Variants in DNM2 observed in about 807,000 individuals in gnomAD.
The protein encoded by DNM2 is dynamin 2.
In DNM2, 15 loss-of-function variants were observed where a neutral mutation model predicts 99.0. The ratio of observed to expected loss-of-function variants is 0.15; its 90% CI spans 0.10 to 0.23. The LOEUF (loss-of-function observed/expected upper bound fraction) is 0.23. Ranked by LOEUF, DNM2 falls within the 10% of genes least tolerant of loss-of-function variation. DNM2 has a pLI of 1.00. For synonymous variants in DNM2, 525 were observed against 481.2 expected, an observed-to-expected ratio of 1.09 and a Z score of -1.19; for missense variants, 742 against 1,189.4, an observed-to-expected ratio of 0.62 and a Z score of 5.53.
rs866738456 is a variant in DNM2, at chr19:10,771,538, C to T, written c.236-941C>T. The stretch of plus-strand genomic sequence containing the variant: ...GCGGCAGGGGTGCCCCTTCCCTCTA[C>T]CTTGTGGGCTCCTTGGGGAAGAAGG... On this transcript the variant is annotated intron_variant, in intron 2 of 20. Coordinates refer to ENST00000389253, the MANE Select transcript of DNM2 (RefSeq NM_001005361.3). Among the ~76,000 whole-genome samples, 12 of 101,794 alleles carry T rather than the reference C, an allele frequency of 1.2e-4. No individual in the cohort carries two copies. The South Asian group carries it at 3.3e-3, about 28-fold the overall frequency. 66.8% of individuals were successfully genotyped at this position (101,794 alleles called of 152,430 possible).
Position 10,718,109 on chromosome 19 carries a change from C to T in DNM2, c.-134C>T. ...CCGGATGAGGCGGCGACCGTGAGGC[C>T]GAGCCGGGAGCGGGCGTCTTGCCGA... On this transcript the variant is annotated 5_prime_UTR_variant, in exon 1 of 21. Coordinates refer to ENST00000389253, the MANE Select transcript of DNM2 (RefSeq NM_001005361.3). The T allele has an allele frequency of 2.8e-6, 3 of 1,074,632 alleles. No individual in the cohort carries two copies. Among genetic ancestry groups the T allele is most frequent in the Non-Finnish European group, 3.6e-6 (3 of 840,526 alleles). The allele number at this position is 1,074,632 out of a possible 1,614,324, so 66.6% of individuals were successfully genotyped here. A position where few individuals can be genotyped will look rare whatever the true frequency, so the allele number is the denominator to read the frequency against.
At chr19:10,741,871 C>G (rs2069764530) in intron 1 of DNM2, among the ~76,000 whole-genome samples, 1 of 151,892 alleles carries the variant, frequency 6.6e-6, no homozygotes, top group African/African-American at 2.4e-5. Context: ...TTGTTCTGTG[C>G]TTTTTCCTTC....
chr19:10,786,365 G>A (rs1171471725), intron 6 of DNM2, 199 bp from the exon 7 acceptor site: 2 of 852,564 alleles, frequency 2.3e-6, no homozygotes, highest in African/African-American at 1.7e-5. Context: ...TACACTCATG[G>A]GCAGCTCCGT....
Position 10,775,932 on chromosome 19 carries a change from C to T in DNM2, c.589+26C>T. The T allele has an allele frequency of 1.2e-6, 2 of 1,605,722 alleles. No homozygotes were observed. Among genetic ancestry groups the T allele is most frequent in the African/African-American group, 1.3e-5 (1 of 75,018 alleles). ...GTAACCCTGAGCCTAGGGCAGTCCC[C>T]TCTTCCAGGTGCCTCTGAGCATGGG... On this transcript the variant is annotated intron_variant, in intron 4 of 20. Coordinates refer to ENST00000389253, the MANE Select transcript of DNM2 (RefSeq NM_001005361.3). The surrounding 1 kb of genome is among the most constrained non-coding windows in gnomAD (Gnocchi z 4.3).
chr19:10,761,697 C>T (rs764725972), intron 2 of DNM2, among the ~76,000 whole-genome samples: 116 of 152,298 alleles, frequency 7.6e-4, no homozygotes, highest in Non-Finnish European at 6.3e-4. Context: ...TTCCAATGGG[C>T]CCCAGATCTG....
At position 10,808,553 on chromosome 19, in the gene DNM2, C is replaced by T. The variant is rs375554484; in HGVS notation, c.1546-16C>T. 8.3e-5 allele frequency: 134 copies of T among 1,612,046 alleles called. No individual in the cohort carries two copies. The highest frequency in any genetic ancestry group is 6.8e-4 in the African/African-American group (51 of 75,004). On this transcript the variant is annotated splice_polypyrimidine_tract_variant and intron_variant, in intron 13 of 20. Coordinates refer to ENST00000389253, the MANE Select transcript of DNM2 (RefSeq NM_001005361.3). ...TTCCCTGATTTACCCACAACCCTAA[C>T]TTTGCATATTCAAAGGGGGAGATCC...
intron 6 of DNM2, among the ~76,000 whole-genome samples, chr19:10,783,702 A>ATTTTT (rs1335201078): frequency 7.0e-5 from 10 of 142,524 alleles, no homozygotes; most frequent in South Asian, 2.1e-4. Context: ...TATTATTATT[A>ATTTTT]TTATTTTTTA....
In DNM2 at chr19:10,795,344, T is replaced by C; in HGVS notation, c.1129-28T>C. The stretch of plus-strand genomic sequence containing the variant: ...CACGGGGGCGCCCCGGGTGCCTCCA[T>C]GCATGTGCTTGGTTTGTCTCTTCTC... On this transcript the variant is annotated intron_variant, in intron 8 of 20. Transcript: ENST00000389253. This position sits in a 1 kb window ranked among gnomAD's most constrained non-coding sequence, Gnocchi z 4.2. 6.2e-7 allele frequency: 1 copy of C among 1,614,032 alleles called. No individual in the cohort carries two copies. Among genetic ancestry groups the C allele is most frequent in the South Asian group, 1.1e-5 (1 of 91,080 alleles).
intron 15 of DNM2, among the ~76,000 whole-genome samples, chr19:10,819,280 G>A (rs1248180860): frequency 4.6e-5 from 7 of 152,250 alleles, no homozygotes; most frequent in African/African-American, 1.7e-4. Context: ...AATAAAGAAA[G>A]GGAGTAAGGC....
rs879152825 is a variant in DNM2 at position 10,819,958 on chromosome 19, ACT to A, written c.1672-19_1672-18del. ...GTTGTCACGTGGACCGCTCAGGGTG[ACT>A]CTTTTCCCTCCACCCTCAGGAGAAA... On this transcript the variant is annotated intron_variant, in intron 15 of 20. Transcript: ENST00000389253. 6.2e-7 allele frequency: 1 copy of A among 1,610,240 alleles called. No homozygotes were observed. The highest frequency in any genetic ancestry group is 1.3e-5 in the African/African-American group (1 of 74,778).
In DNM2 at chr19:10,772,017, A is replaced by G. The variant is rs1363635666; in HGVS notation, c.236-462A>G. 6.6e-6 allele frequency among the ~76,000 whole-genome samples: 1 copy of G among 151,442 alleles called. No homozygotes were observed. The highest frequency in any genetic ancestry group is 1.5e-5 in the Non-Finnish European group (1 of 67,740). ...CATGAGAACGAATCTTTCACTCCCA[A>G]ATTCCTAGAGTGACGATGATTGGGT... On this transcript the variant is annotated intron_variant, in intron 2 of 20. Transcript: ENST00000389253. This position sits in a 1 kb window ranked among gnomAD's most constrained non-coding sequence, Gnocchi z 4.9.
Position 10,775,737 on chromosome 19 carries a change from C to A in DNM2, c.420C>A (p.Ile140=). 1.2e-6 allele frequency: 2 copies of A among 1,614,146 alleles called. No homozygotes were observed. The highest frequency in any genetic ancestry group is 1.7e-6 in the Non-Finnish European group (2 of 1,180,024). The change falls in exon 4 of 21, where the codon ATC becomes ATA. Residue 140 remains isoleucine (I), a synonymous_variant. Transcript: ENST00000389253. The surrounding 1 kb of genome is among the most constrained non-coding windows in gnomAD (Gnocchi z 4.3). ...TGACCCTCATCGACCTCCCGGGTAT[C>A]ACCAAGGTGCCTGTGGGCGACCAGC... ...LNLTLIDLPG[I]TKVPVGDQPP...
At chr19:10,792,179 C>G (rs1201098681) in intron 7 of DNM2, among the ~76,000 whole-genome samples, 1 of 152,174 alleles carries the variant, frequency 6.6e-6, no homozygotes, top group East Asian at 1.9e-4. Context: ...ATTAAATGTG[C>G]ACACCCTTTA....
intron 7 of DNM2, among the ~76,000 whole-genome samples, chr19:10,789,359 C>CTTTAA (rs1303650984): frequency 6.6e-6 from 1 of 152,052 alleles, no homozygotes; most frequent in Non-Finnish European, 1.5e-5. Context: ...TTTTCTGCAC[C>CTTTAA]TCTAAAGTGA....
intron 1 of DNM2, among the ~76,000 whole-genome samples, chr19:10,724,661 C>T (rs1006080340): frequency 3.9e-5 from 6 of 152,090 alleles, no homozygotes; most frequent in African/African-American, 9.7e-5. Context: ...TAGGGTGGGA[C>T]CAGGCCTCTA....
rs1045978151 is a variant in DNM2, at chr19:10,786,862, A to G, written c.992+156A>G. On this transcript the variant is annotated intron_variant, in intron 7 of 20. Transcript: ENST00000389253. ...CTGCGTGCCAGGCTCCATCCTAAGC[A>G]TGGCATTCGCCCCAGTGGAGGGGAC... is the stretch of plus-strand genomic sequence containing the variant. The G allele has an allele frequency of 5.7e-5, 83 of 1,450,778 alleles. 1 individual carries two copies. In the African/African-American group the frequency reaches 1.1e-3, roughly 19 times the overall value. 89.9% of individuals were successfully genotyped at this position (1,450,778 alleles called of 1,614,324 possible).
intron 1 of DNM2, among the ~76,000 whole-genome samples, chr19:10,737,606 C>T (rs970727784): frequency 2.0e-5 from 3 of 152,174 alleles, no homozygotes; most frequent in Admixed American, 6.5e-5. Context: ...CTGCCTCAGC[C>T]TCCCAAGTAG....
chr19:10,757,960 A>AAAAAAG (rs1568282524), intron 1 of DNM2, among the ~76,000 whole-genome samples: 47 of 150,530 alleles, frequency 3.1e-4, no homozygotes, highest in African/African-American at 6.9e-4. Context: ...AAAAAAAAAA[A>AAAAAAG]AAAAAGAAAA....
In DNM2 at chr19:10,751,201, G is replaced by A. The variant is rs371807218; in HGVS notation, c.162-8537G>A. Among the ~76,000 whole-genome samples, 185 of 152,234 alleles carry A rather than the reference G, an allele frequency of 1.2e-3. 2 individuals are homozygous for A. Among genetic ancestry groups the A allele is most frequent in the African/African-American group, 4.4e-3 (182 of 41,538 alleles). On this transcript the variant is annotated intron_variant, in intron 1 of 20. Transcript: ENST00000389253. ...TGTCATTCGAGCGGAATCACTCTGA[G>A]CTTGGCAAGGTTACCCTGTCTTACT... is the stretch of plus-strand genomic sequence containing the variant.
Sources: allele counts gnomAD v4.1 joint callset (sites outside exome capture counted in the v4.1 genomes callset), GRCh38; gene constraint gnomAD v4.1.1; non-coding constraint Gnocchi (gnomAD v3.1); transcripts MANE v1.5; gene names NCBI Gene and HGNC (gene_info 2026-07-23, HGNC 2026-07-21).